Variants in C10orf88 observed in about 807,000 individuals in gnomAD.
C10orf88 encodes ATPase PAAT.
In C10orf88, 29 loss-of-function variants were observed where a neutral mutation model predicts 34.2. That is an observed-to-expected ratio of 0.85 (90% CI 0.63 to 1.16). C10orf88 has a LOEUF of 1.16. Among genes scored for constraint, C10orf88 ranks in the 50% most tolerant of loss-of-function variants. The pLI is 0.00. For missense variants in C10orf88, 507 were observed against 533.2 expected (o/e 0.95, Z 0.48); for synonymous variants, 194 against 197.4 (o/e 0.98, Z 0.15).
intron 4 of C10orf88, among the ~76,000 whole-genome samples, chr10:122,947,505 C>T (rs1848650788): frequency 6.6e-6 from 1 of 152,166 alleles, no homozygotes; most frequent in Non-Finnish European, 1.5e-5. Flanking sequence ...AATCGTTTCT[C>T]TTGCTACTCT....
In C10orf88 at chr10:122,951,949, C is replaced by T. The variant is rs1848694360; in HGVS notation, c.441+5G>A. ...TGTCAAATTAGTTTACAACTGACAA[C>T]TTACCTTTATTTTACAAGCATGTGT... On this transcript the variant is annotated splice_donor_5th_base_variant and intron_variant, in intron 3 of 5. Coordinates refer to ENST00000481909, the MANE Select transcript of C10orf88 (RefSeq NM_024942.4). The T allele has an allele frequency of 6.5e-7, 1 of 1,528,404 alleles. No homozygotes were observed. Among genetic ancestry groups the T allele is most frequent in the Non-Finnish European group, 9.0e-7 (1 of 1,111,520 alleles). The allele number at this position is 1,528,404 out of a possible 1,614,324, so 94.7% of individuals were successfully genotyped here.
At position 122,952,840 on chromosome 10, in the gene C10orf88, G is replaced by C. The variant is rs764403732; in HGVS notation, c.357C>G (p.Val119=). Reference sequence around the variant, plus strand: ...TACAAGTCACACACCTGTCATCCAGGACAGTACAAACATTCTTGCCCCTAC... The same window carrying C: ...TACAAGTCACACACCTGTCATCCAGCACAGTACAAACATTCTTGCCCCTAC... ...GTSRGKNVCT[V]LDDSEHEKII... is the part of the protein sequence containing the mutation. Residue 119 remains valine, a synonymous_variant, in exon 2 of 6, where the codon GTC becomes GTG. Coordinates refer to ENST00000481909, the MANE Select transcript of C10orf88 (RefSeq NM_024942.4). The C allele has an allele frequency of 2.4e-5, 39 of 1,613,826 alleles. No homozygotes were observed. The South Asian group carries it at 4.0e-4, about 16-fold the overall frequency.
In C10orf88 at chr10:122,937,829, G is replaced by A. The variant is rs752802938; in HGVS notation, c.979C>T (p.Pro327Ser). 3.1e-6 allele frequency: 5 copies of A among 1,613,088 alleles called. No individual in the cohort carries two copies. The Admixed American group carries it at 8.3e-5, about 27-fold the overall frequency. ...PKKVSDNSNI[P>S]NSELLPFLQN... ...AGAAAAGGCAGCAACTCGGAGTTGG[G>A]TATATTTGAGTTGTCACTTACTTTC... The change falls in exon 5 of 6, where the codon CCC (proline) becomes TCC (serine). Residue 327 changes from proline (P) to serine (S), a missense_variant. Coordinates refer to ENST00000481909, the MANE Select transcript of C10orf88 (RefSeq NM_024942.4).
At chr10:122,945,082 A>G (rs923318439) in intron 4 of C10orf88, among the ~76,000 whole-genome samples, 4 of 150,718 alleles carry the variant, frequency 2.7e-5, no homozygotes, top group African/African-American at 4.9e-5. Context: ...ATATATACGT[A>G]TATATATATG....
At chr10:122,943,404 C>T (rs1316532789) in intron 4 of C10orf88, among the ~76,000 whole-genome samples, 1 of 150,036 alleles carries the variant, frequency 6.7e-6, no homozygotes, top group Non-Finnish European at 1.5e-5. Flanking sequence ...AACGTTAGAC[C>T]TAAAACCATA....
In C10orf88 at chr10:122,948,723, T is replaced by C. The variant is rs1364367201; in HGVS notation, c.574A>G (p.Ile192Val). 2 of 1,614,002 alleles carry C rather than the reference T, an allele frequency of 1.2e-6. No individual in the cohort carries two copies. The highest frequency in any genetic ancestry group is 1.1e-5 in the South Asian group (1 of 91,070). The change falls in exon 4 of 6, where the codon ATA becomes GTA. Residue 192 changes from isoleucine to valine, a missense_variant. Ile to Val is a conservative substitution (Grantham distance 29, BLOSUM62 3). Coordinates refer to ENST00000481909, the MANE Select transcript of C10orf88 (RefSeq NM_024942.4). ...SRIDLDKVQT[I>V]MESMGSKLSP... is the part of the protein sequence containing the mutation. ...AACTTTGACCCCATGGACTCCATTA[T>C]GGTTTGGACCTTGTCAAGGTCTATC...
chr10:122,952,718 C>T, intron 2 of C10orf88, 111 bp downstream of exon 2: 2 of 1,322,302 alleles, frequency 1.5e-6, no homozygotes, highest in Non-Finnish European at 2.1e-6. Flanking sequence ...TTTTTATCTT[C>T]TCTCCCATAA....
At chr10:122,952,799 A>C (rs1280030932) in intron 2 of C10orf88, 30 bp downstream of exon 2, 1 of 1,610,400 alleles carries the variant, frequency 6.2e-7, no homozygotes, top group African/African-American at 1.3e-5. Context: ...CTACTTCAGA[A>C]GAACACTTTC....
intron 5 of C10orf88, among the ~76,000 whole-genome samples, chr10:122,934,170 T>TAATCC (rs746665959): frequency 2.0e-4 from 31 of 152,194 alleles, no homozygotes; most frequent in Non-Finnish European, 4.0e-4. Flanking sequence ...TATCTACCTA[T>TAATCC]AATCCAATAT....
At chr10:122,941,746 C>A (rs1034666385) in intron 4 of C10orf88, among the ~76,000 whole-genome samples, 8 of 152,116 alleles carry the variant, frequency 5.3e-5, no homozygotes, top group Non-Finnish European at 1.2e-4. Flanking sequence ...TAAAAGGACA[C>A]AGAACTGTTT....
chr10:122,932,337 T>A lies in C10orf88; in HGVS notation c.*90A>T. The A allele has an allele frequency of 8.9e-7, 1 of 1,124,390 alleles. No individual in the cohort carries two copies. The highest frequency in any genetic ancestry group is 2.6e-5 in the East Asian group (1 of 39,060). 69.7% of individuals were successfully genotyped at this position (1,124,390 alleles called of 1,614,324 possible). ...AAGACAATGATCCCTCAAAGGACAT[T>A]AAATACTTGCTTTTTATAAATATTT... On this transcript the variant is annotated 3_prime_UTR_variant, in exon 6 of 6. Coordinates refer to ENST00000481909, the MANE Select transcript of C10orf88 (RefSeq NM_024942.4).
chr10:122,942,925 A>G (rs1371049479), intron 4 of C10orf88, among the ~76,000 whole-genome samples: 2 of 146,774 alleles, frequency 1.4e-5, no homozygotes, highest in African/African-American at 5.1e-5. Flanking sequence ...GGAAGAATCA[A>G]TATCGTGAAA....
At chr10:122,932,940 T>C (rs1457152379) in intron 5 of C10orf88, among the ~76,000 whole-genome samples, 1 of 152,150 alleles carries the variant, frequency 6.6e-6, no homozygotes, top group African/African-American at 2.4e-5. Flanking sequence ...GTCTTTTTGA[T>C]TTTGAGGTCC....
At chr10:122,932,808 A>T in intron 5 of C10orf88, 147 bp from the exon 6 acceptor site, 2 of 608,642 alleles carry the variant, frequency 3.3e-6, no homozygotes, top group Non-Finnish European at 5.7e-6. Flanking sequence ...GTCCTAATAC[A>T]CATCCACAAT....
rs1848661628 is a variant in C10orf88, at chr10:122,948,649, C to T, written c.648G>A (p.Arg216=). The change falls in exon 4 of 6, where the codon CGG becomes CGA. Residue 216 remains arginine (R), a splice_region_variant and synonymous_variant. Coordinates refer to ENST00000481909, the MANE Select transcript of C10orf88 (RefSeq NM_024942.4). ...TGGAAAGAAATCCATTTCTACTTAC[C>T]CGCTGCTGACACCTAACCATATCCA... ...QLMDMVRCQQ[R]NCIPIGEQLQ... 4 of 1,612,246 alleles carry T rather than the reference C, an allele frequency of 2.5e-6. No homozygotes were observed. The highest frequency in any genetic ancestry group is 1.1e-5 in the South Asian group (1 of 90,796).
intron 4 of C10orf88, among the ~76,000 whole-genome samples, chr10:122,946,883 G>A (rs1471366613): frequency 6.6e-6 from 1 of 152,032 alleles, no homozygotes; most frequent in Non-Finnish European, 1.5e-5. Context: ...AGATATTTAC[G>A]GAATACACAT....
chr10:122,937,765 C>T lies in C10orf88; in HGVS notation c.1043G>A (p.Gly348Glu), dbSNP rs1292149731. ...GTTTTCCTGACACTCGGTCTTATTTCCCACATGGAGATGATTAACTTGACT... is the reference window on the plus strand; with the variant it reads ...GTTTTCCTGACACTCGGTCTTATTTTCCACATGGAGATGATTAACTTGACT... ...LCSQVNHLHV[G>E]NKTECQENIT... is the part of the protein sequence containing the mutation. The change falls in exon 5 of 6, where the codon GGA (glycine) becomes GAA (glutamate). Residue 348 changes from glycine to glutamate, a missense_variant. By Grantham distance (98) the Gly-to-Glu change is moderately conservative. Coordinates refer to ENST00000481909, the MANE Select transcript of C10orf88 (RefSeq NM_024942.4). 5 of 1,612,826 alleles carry T rather than the reference C, an allele frequency of 3.1e-6. No homozygotes were observed. The highest frequency in any genetic ancestry group is 4.2e-6 in the Non-Finnish European group (5 of 1,179,262).
At chr10:122,944,832 T>C (rs1480610559) in intron 4 of C10orf88, among the ~76,000 whole-genome samples, 3 of 150,576 alleles carry the variant, frequency 2.0e-5, no homozygotes, top group Admixed American at 6.6e-5. Context: ...TCTCTAAACT[T>C]GAAAAAAAAA....
chr10:122,948,941 G>A (rs1848665672), intron 3 of C10orf88, 86 bp from the exon 4 acceptor site: 3 of 1,155,794 alleles, frequency 2.6e-6, no homozygotes, highest in East Asian at 2.5e-5. Flanking sequence ...CTAAACAAGA[G>A]TGAAGTATTC....
Sources: gnomAD v4.1 joint callset for allele counts (sites outside exome capture counted in the v4.1 genomes callset) on GRCh38, gnomAD v4.1.1 for gene constraint, MANE v1.5 for transcripts, NCBI Gene and HGNC (gene_info 2026-07-23, HGNC 2026-07-21) for gene names.